PDK1: variants seen among roughly 807,000 people sequenced by gnomAD.
PDK1 encodes pyruvate dehydrogenase kinase 1.
PDK1 carries 39 observed loss-of-function variants against 54.2 expected under a neutral mutation model. The ratio of observed to expected loss-of-function variants is 0.72; its 90% confidence interval spans 0.56 to 0.94. The LOEUF (loss-of-function observed/expected upper bound fraction) is 0.94. Among genes scored for constraint, PDK1 ranks in the 40% least tolerant of loss-of-function variants. The pLI is 0.00. For synonymous variants in PDK1, 221 were observed against 207.1 expected (o/e 1.07, Z -0.58); for missense variants, 552 against 566.0 (o/e 0.98, Z 0.25).
chr2:172,597,722 TTATC>T lies in PDK1; in HGVS notation c.*1754_*1757del. 6.6e-6 allele frequency: 1 copy of T among 152,328 alleles called. No homozygotes were observed. The highest frequency in any genetic ancestry group is 2.4e-5 in the African/African-American group (1 of 41,578). 9.4% of individuals were successfully genotyped at this position (152,328 alleles called of 1,614,324 possible). A position where few individuals can be genotyped will look rare whatever the true frequency, so the allele number is the denominator to read the frequency against. On this transcript the variant is annotated 3_prime_UTR_variant, in exon 11 of 11. Coordinates refer to ENST00000282077, the MANE Select transcript of PDK1 (RefSeq NM_002610.5). ...TGTCATTTAGAGACTGTGTTGTTAG[TTATC>T]CCTCAACATCTTCTAAGGTGGCAGG...
At chr2:172,567,455 GTC>G (rs1558932525) in intron 6 of PDK1, among the ~76,000 whole-genome samples, 1 of 152,182 alleles carries the variant, frequency 6.6e-6, no homozygotes, top group Non-Finnish European at 1.5e-5. Context: ...GGATTGATGA[GTC>G]TCTTTTTCCT....
intron 5 of PDK1, among the ~76,000 whole-genome samples, chr2:172,566,400 C>T (rs1688942601): frequency 6.6e-6 from 1 of 151,996 alleles, no homozygotes; most frequent in Non-Finnish European, 1.5e-5. Flanking sequence ...ACTGAAAATA[C>T]AAAAATTAGC....
At chr2:172,556,541 C>G in intron 1 of PDK1, 195 bp downstream of exon 1, 1 of 445,144 alleles carries the variant, frequency 2.2e-6, no homozygotes, top group Non-Finnish European at 3.9e-6. Context: ...GCGTAAATAA[C>G]GGTGGGCGTG....
In PDK1 at chr2:172,562,215, T is replaced by C; in HGVS notation, c.339-5T>C. 6.6e-7 allele frequency: 1 copy of C among 1,523,732 alleles called. No homozygotes were observed. The highest frequency in any genetic ancestry group is 1.7e-4 in the Middle Eastern group (1 of 5,732). 94.4% of individuals were successfully genotyped at this position (1,523,732 alleles called of 1,614,324 possible). A position where few individuals can be genotyped will look rare whatever the true frequency, so the allele number is the denominator to read the frequency against. ...ACAAACTTATCCTATTGATCTGCAT[T>C]TTAGGTATATCCAGAGTCTTCAGGA... is the stretch of plus-strand genomic sequence containing the variant. On this transcript the variant is annotated splice_polypyrimidine_tract_variant and splice_region_variant and intron_variant, in intron 2 of 10. Transcript: ENST00000282077.
the PDK1 span, among the ~76,000 whole-genome samples, chr2:172,710,559 T>A: frequency 1.3e-5 from 2 of 152,236 alleles, no homozygotes; most frequent in African/African-American, 4.8e-5. Flanking sequence ...AGGAAAGTTA[T>A]GAAGATTGCT....
chr2:172,709,046 C>CT, the PDK1 span, among the ~76,000 whole-genome samples: 17,111 of 151,914 alleles, frequency 0.11, 1,070 homozygotes, highest in South Asian at 0.2. Flanking sequence ...CTCTCTCTCT[C>CT]TTTTTTTTGT....
In PDK1 at chr2:172,570,790, A is replaced by G. The variant is rs1183707418; in HGVS notation, c.911A>G (p.His304Arg). Residue 304 changes from histidine to arginine, a missense_variant, in exon 8 of 11, where the codon CAT becomes CGT. Transcript: ENST00000282077. ...GGTGTTTACCCCCCTATTCAAGTTC[A>G]TGTCACGCTGGGTAATGAGGATTTG... is the stretch of plus-strand genomic sequence containing the variant. ...NRGVYPPIQV[H>R]VTLGNEDLTV... 31 of 1,610,552 alleles carry G rather than the reference A, an allele frequency of 1.9e-5. No homozygotes were observed. Among genetic ancestry groups the G allele is most frequent in the Non-Finnish European group, 2.5e-5 (30 of 1,177,118 alleles).
rs779588975 is a variant in PDK1, at chr2:172,558,696, G to A, written c.197-12G>A. ...TTTTACTTACTGCTTTACCCATCAT[G>A]TTTGGTTTCAGGATCAGTGAATGCT... On this transcript the variant is annotated splice_polypyrimidine_tract_variant and intron_variant, in intron 1 of 10. Coordinates refer to ENST00000282077, the MANE Select transcript of PDK1 (RefSeq NM_002610.5). 3 of 1,591,064 alleles carry A rather than the reference G, an allele frequency of 1.9e-6. No homozygotes were observed. The highest frequency in any genetic ancestry group is 2.6e-6 in the Non-Finnish European group (3 of 1,172,984).
At chr2:172,614,976 TG>T in the PDK1 span, among the ~76,000 whole-genome samples, 1 of 152,234 alleles carries the variant, frequency 6.6e-6, no homozygotes. Flanking sequence ...TACACAACAG[TG>T]TACTATTGTG....
chr2:172,661,900 C>T, the PDK1 span, among the ~76,000 whole-genome samples: 16 of 152,160 alleles, frequency 1.1e-4, no homozygotes, highest in Admixed American at 2.0e-4. Context: ...CAAACCTAAG[C>T]ATCAGGCAAC....
At chr2:172,659,157 A>C in the PDK1 span, among the ~76,000 whole-genome samples, 1 of 152,158 alleles carries the variant, frequency 6.6e-6, no homozygotes, top group Non-Finnish European at 1.5e-5. Flanking sequence ...ACCCCTTAGC[A>C]GCCCAGCTGT....
chr2:172,574,659 A>G (rs181165863), intron 8 of PDK1, among the ~76,000 whole-genome samples: 1 of 152,226 alleles, frequency 6.6e-6, no homozygotes, highest in Non-Finnish European at 1.5e-5. Flanking sequence ...ATTTATTCCT[A>G]AGTATTTTAT....
At chr2:172,636,803 A>G in the PDK1 span, among the ~76,000 whole-genome samples, 1 of 151,900 alleles carries the variant, frequency 6.6e-6, no homozygotes, top group Non-Finnish European at 1.5e-5. Context: ...CCGATGGTCC[A>G]TACATCTCCC....
rs1690907856 is a variant in PDK1 at position 172,596,597 on chromosome 2, A to T, written c.*628A>T. 1 of 152,232 alleles carries T rather than the reference A, an allele frequency of 6.6e-6. No individual in the cohort carries two copies. Among genetic ancestry groups the T allele is most frequent in the South Asian group, 2.1e-4 (1 of 4,830 alleles). The allele number at this position is 152,232 out of a possible 1,614,324, so 9.4% of individuals were successfully genotyped here. On this transcript the variant is annotated 3_prime_UTR_variant, in exon 11 of 11. Transcript: ENST00000282077. Reference sequence around the variant, plus strand: ...CTCTCTGTGGATCTATGCCAAAATCATGGGCCATCTTTTCTAAGTGTACTT... The same window carrying T: ...CTCTCTGTGGATCTATGCCAAAATCTTGGGCCATCTTTTCTAAGTGTACTT...
the PDK1 span, among the ~76,000 whole-genome samples, chr2:172,630,822 G>T: frequency 6.6e-6 from 1 of 152,018 alleles, no homozygotes. Flanking sequence ...TAGAGATGGG[G>T]TTTTGCCATG....
chr2:172,679,475 A>G, the PDK1 span, among the ~76,000 whole-genome samples: 1,076 of 152,252 alleles, frequency 7.1e-3, 17 homozygotes, highest in African/African-American at 0.025. Flanking sequence ...ACAAAAGAAT[A>G]TTTTATTTTT....
the PDK1 span, among the ~76,000 whole-genome samples, chr2:172,722,634 C>A: frequency 1.3e-5 from 2 of 152,144 alleles, no homozygotes; most frequent in African/African-American, 4.8e-5. Context: ...TAGAAAAGAA[C>A]ACTGTGATTA....
Position 172,597,666 on chromosome 2 carries a change from C to A in PDK1, c.*1697C>A, listed in dbSNP as rs1326221867. ...CAGAGCCTGAGACGTATCTGCAGATCCTGTCATCAGCTGGCAAGTCCAGGA... is the reference window on the plus strand; with the variant it reads ...CAGAGCCTGAGACGTATCTGCAGATACTGTCATCAGCTGGCAAGTCCAGGA... On this transcript the variant is annotated 3_prime_UTR_variant, in exon 11 of 11. Coordinates refer to ENST00000282077, the MANE Select transcript of PDK1 (RefSeq NM_002610.5). 6.6e-6 allele frequency: 1 copy of A among 152,190 alleles called. No homozygotes were observed. The highest frequency in any genetic ancestry group is 1.5e-5 in the Non-Finnish European group (1 of 68,036). 9.4% of individuals were successfully genotyped at this position (152,190 alleles called of 1,614,324 possible). A position where few individuals can be genotyped will look rare whatever the true frequency, so the allele number is the denominator to read the frequency against.
chr2:172,669,921 C>A, the PDK1 span, among the ~76,000 whole-genome samples: 1 of 152,122 alleles, frequency 6.6e-6, no homozygotes, highest in African/African-American at 2.4e-5. Flanking sequence ...TCTGATGTAT[C>A]ATTTGCAAAT....
Sources: allele counts gnomAD v4.1 joint callset (sites outside exome capture counted in the v4.1 genomes callset), GRCh38; gene constraint gnomAD v4.1.1; transcripts MANE v1.5; gene names NCBI Gene and HGNC (gene_info 2026-07-23, HGNC 2026-07-21).